Variants in PREX1 observed in about 807,000 individuals in gnomAD.
The protein encoded by PREX1 is phosphatidylinositol-3,4,5-trisphosphate dependent Rac exchange factor 1, also known as phosphatidylinositol 3,4,5-trisphosphate-dependent Rac exchanger 1 protein.
In PREX1, 41 loss-of-function variants were observed where a neutral mutation model predicts 198.3. The ratio of observed to expected loss-of-function variants is 0.21; its 90% CI spans 0.16 to 0.27. The LOEUF (loss-of-function observed/expected upper bound fraction) is 0.27. PREX1 is among the 10% of genes least tolerant of loss of function. The pLI is 1.00. For missense variants in PREX1, 1,620 were observed against 2,200.7 expected (o/e 0.74, Z 5.28); for synonymous variants, 843 against 887.2 (o/e 0.95, Z 0.89).
At chr20:48,635,048 C>G (rs1301094743) in intron 32 of PREX1, among the ~76,000 whole-genome samples, 4 of 152,210 alleles carry the variant, frequency 2.6e-5, no homozygotes, top group Non-Finnish European at 5.9e-5. Flanking sequence ...ACCAACCAGG[C>G]TTCTAACTTA....
rs376853831 is a variant in PREX1, at chr20:48,797,261, C to T, written c.219+30381G>A. ...GCACCACAACTTCCCCAGAAAAAAG[C>T]CAAATGGGAATCAAGCTGGCCTTTG... On this transcript the variant is annotated intron_variant, in intron 1 of 39. Coordinates refer to ENST00000371941, the MANE Select transcript of PREX1 (RefSeq NM_020820.4). Among the ~76,000 whole-genome samples the T allele has an allele frequency of 4.6e-5, 7 of 151,986 alleles. 1 individual carries two copies. Among genetic ancestry groups the T allele is most frequent in the East Asian group, 3.9e-4 (2 of 5,172 alleles).
chr20:48,648,067 T>G (rs1047923507), intron 25 of PREX1, among the ~76,000 whole-genome samples: 3 of 152,118 alleles, frequency 2.0e-5, no homozygotes, highest in Non-Finnish European at 4.4e-5. Context: ...CACGCCTGGC[T>G]AATTTTAGGA....
intron 1 of PREX1, among the ~76,000 whole-genome samples, chr20:48,756,262 G>A (rs1275209860): frequency 6.6e-6 from 1 of 152,110 alleles, no homozygotes; most frequent in Non-Finnish European, 1.5e-5. Flanking sequence ...CACTGCCCAG[G>A]CTGATTAAAA....
intron 18 of PREX1, 24 bp from the exon 19 acceptor site, chr20:48,655,399 GA>G: frequency 1.9e-5 from 28 of 1,472,326 alleles, no homozygotes; most frequent in Admixed American, 1.4e-4. Context: ...AAGAGGCAGG[GA>G]AAAAGGCCAT....
At chr20:48,859,058 G>C in the PREX1 span, among the ~76,000 whole-genome samples, 1 of 151,778 alleles carries the variant, frequency 6.6e-6, no homozygotes, top group African/African-American at 2.4e-5. Flanking sequence ...ACCCTGCCCA[G>C]CTCATTATTT....
In PREX1 at chr20:48,739,628, G is replaced by A. The variant is rs117719728; in HGVS notation, c.415-4978C>T. On this transcript the variant is annotated intron_variant, in intron 3 of 39. Transcript: ENST00000371941. ...CCTCTGTTTCTCCCACCTACGAGCC[G>A]CGTGGCAGCACGGAGCAAGTCTGTC... is the stretch of plus-strand genomic sequence containing the variant. Among the ~76,000 whole-genome samples the A allele has an allele frequency of 2.7e-3, 408 of 152,270 alleles. 4 individuals are homozygous for A. In the East Asian group the frequency reaches 0.043, roughly 16 times the overall value.
chr20:48,870,809 G>A, the PREX1 span, among the ~76,000 whole-genome samples: 1 of 136,332 alleles, frequency 7.3e-6, no homozygotes, highest in Non-Finnish European at 1.6e-5. Context: ...AAATTAGCTG[G>A]GTGCAGTGGC....
intron 5 of PREX1, among the ~76,000 whole-genome samples, chr20:48,721,163 A>G (rs971580778): frequency 1.5e-4 from 23 of 152,208 alleles, no homozygotes; most frequent in Admixed American, 5.2e-4. Context: ...CATTCATTCA[A>G]TAAGTGACCA....
At chr20:48,750,582 T>C (rs2090129812) in intron 1 of PREX1, among the ~76,000 whole-genome samples, 1 of 152,178 alleles carries the variant, frequency 6.6e-6, no homozygotes, top group South Asian at 2.1e-4. Context: ...CCTTTGCATA[T>C]GCTGTTCCTG....
intron 15 of PREX1, among the ~76,000 whole-genome samples, chr20:48,663,823 T>C (rs2089614337): frequency 6.6e-6 from 1 of 152,192 alleles, no homozygotes; most frequent in African/African-American, 2.4e-5. Context: ...TGGACTATCA[T>C]GACCACCTCC....
chr20:48,837,023 C>G, the PREX1 span, among the ~76,000 whole-genome samples: 1 of 152,046 alleles, frequency 6.6e-6, no homozygotes, highest in East Asian at 1.9e-4. Flanking sequence ...TTCCTTCCCC[C>G]ACCATCTAAC....
chr20:48,638,196 G>A (rs138281131), intron 30 of PREX1, among the ~76,000 whole-genome samples: 3 of 151,744 alleles, frequency 2.0e-5, no homozygotes, highest in East Asian at 1.9e-4. Context: ...ATGTACACAC[G>A]CAGGTACACA....
chr20:48,788,905 C>T (rs568629084), intron 1 of PREX1, among the ~76,000 whole-genome samples: 8 of 152,312 alleles, frequency 5.3e-5, no homozygotes, highest in African/African-American at 1.9e-4. Context: ...AGCCCCCCTG[C>T]CACGTGATTC....
intron 1 of PREX1, among the ~76,000 whole-genome samples, chr20:48,810,949 C>G (rs2090431330): frequency 6.6e-6 from 1 of 151,910 alleles, no homozygotes; most frequent in East Asian, 1.9e-4. Flanking sequence ...AAATGGCAAC[C>G]AATGTTTGGT....
intron 14 of PREX1, among the ~76,000 whole-genome samples, chr20:48,673,759 A>G (rs2089691461): frequency 6.6e-6 from 1 of 152,078 alleles, no homozygotes. Context: ...CAATTTCTTT[A>G]GTCTTCTATA....
chr20:48,733,806 A>C (rs935146552), intron 4 of PREX1, among the ~76,000 whole-genome samples: 1 of 152,002 alleles, frequency 6.6e-6, no homozygotes, highest in African/African-American at 2.4e-5. Flanking sequence ...GTTGGAGTAC[A>C]GTGGTACCAT....
chr20:48,748,535 C>T (rs6095280), intron 1 of PREX1, among the ~76,000 whole-genome samples: 1 of 152,032 alleles, frequency 6.6e-6, no homozygotes, highest in Non-Finnish European at 1.5e-5. Flanking sequence ...GGATGACCCG[C>T]ACCTGGATTT....
In PREX1 at chr20:48,785,651, G is replaced by A. The variant is rs144876546; in HGVS notation, c.220-37771C>T. Reference sequence around the variant, plus strand: ...CCCCTCTCACCCTACAGAAGTACCTGTCCCAGCTGGCCAGTCTCTTTGGGC... The same window carrying A: ...CCCCTCTCACCCTACAGAAGTACCTATCCCAGCTGGCCAGTCTCTTTGGGC... On this transcript the variant is annotated intron_variant, in intron 1 of 39. Coordinates refer to ENST00000371941, the MANE Select transcript of PREX1 (RefSeq NM_020820.4). Among the ~76,000 whole-genome samples, 401 of 152,298 alleles carry A rather than the reference G, an allele frequency of 2.6e-3. 3 individuals are homozygous for A. The highest frequency in any genetic ancestry group is 4.6e-3 in the Non-Finnish European group (315 of 68,022).
intron 5 of PREX1, among the ~76,000 whole-genome samples, chr20:48,714,446 A>T (rs1295088699): frequency 6.6e-6 from 1 of 152,258 alleles, no homozygotes; most frequent in Non-Finnish European, 1.5e-5. Context: ...CAAGTAAAAA[A>T]CAGGCATAGG....
Sources: gnomAD v4.1 joint callset for allele counts (sites outside exome capture counted in the v4.1 genomes callset) on GRCh38, gnomAD v4.1.1 for gene constraint, MANE v1.5 for transcripts, NCBI Gene and HGNC (gene_info 2026-07-23, HGNC 2026-07-21) for gene names.